MUC12: variants seen among roughly 807,000 people sequenced by gnomAD.
The protein encoded by MUC12 is mucin-12.
Under a neutral mutation model 230.8 loss-of-function variants are expected in MUC12, and 172 were observed. The ratio of observed to expected loss-of-function variants is 0.75; its 90% CI spans 0.66 to 0.85. The LOEUF (loss-of-function observed/expected upper bound fraction) is 0.85. Among genes scored for constraint, MUC12 ranks in the 40% least tolerant of loss-of-function variants. MUC12 has a pLI of 0.00. For missense variants in MUC12, 3,506 were observed against 5,920.6 expected (o/e 0.59, Z 13.38); for synonymous variants, 1,259 against 2,401.9 (o/e 0.52, Z 13.91).
intron 1 of MUC12, among the ~76,000 whole-genome samples, chr7:100,975,710 G>A (rs1793018973): frequency 6.6e-6 from 1 of 152,312 alleles, no homozygotes; most frequent in Non-Finnish European, 1.5e-5. Context: ...GGGAGAGGCA[G>A]CATTTGAGTT....
chr7:101,012,162 G>C (rs1793847411), intron 5 of MUC12, 134 bp from the exon 6 acceptor site: 1 of 915,996 alleles, frequency 1.1e-6, no homozygotes, highest in East Asian at 2.7e-5. Context: ...AGCTGCTGGA[G>C]GGAAGACTCT....
chr7:101,010,182 T>A (rs1343860846), intron 5 of MUC12, among the ~76,000 whole-genome samples: 1 of 151,846 alleles, frequency 6.6e-6, no homozygotes, highest in Non-Finnish European at 1.5e-5. Flanking sequence ...GCTGGAGGTG[T>A]GGGGTGCCCT....
chr7:101,008,656 C>T lies in MUC12; in HGVS notation c.15081C>T (p.Ala5027=), dbSNP rs1793793660. 6.5e-7 allele frequency: 1 copy of T among 1,537,152 alleles called. No homozygotes were observed. Among genetic ancestry groups the T allele is most frequent in the Non-Finnish European group, 8.7e-7 (1 of 1,146,894 alleles). The change falls in exon 4 of 12, where the codon GCC becomes GCT. Residue 5027 remains alanine, a synonymous_variant. Coordinates refer to ENST00000536621, the MANE Select transcript of MUC12 (RefSeq NM_001164462.2). ...CAGAAACCCCGGAAAAACTCAACGC[C>T]ACTTTAGGTATGACAGTGAAAGTGA... is the stretch of plus-strand genomic sequence containing the variant. ...FPVETPEKLN[A]TLGMTVKVTY... is the part of the protein sequence containing the mutation.
chr7:101,012,621 C>T (rs1793854541), intron 6 of MUC12, among the ~76,000 whole-genome samples, 174 bp downstream of exon 6: 1 of 152,148 alleles, frequency 6.6e-6, no homozygotes, highest in African/African-American at 2.4e-5. Context: ...CAACAGCCCC[C>T]TCTCGGTCCC....
intron 1 of MUC12, 131 bp from the exon 2 acceptor site, chr7:100,990,500 G>C: frequency 6.2e-6 from 7 of 1,130,866 alleles, no homozygotes; most frequent in Admixed American, 2.5e-5. Context: ...CCCCCAAAAG[G>C]GAAACTTGAG....
chr7:101,018,527 C>T (rs1793994485), intron 11 of MUC12, 68 bp from the exon 12 acceptor site: 2 of 1,504,466 alleles, frequency 1.3e-6, no homozygotes, highest in Non-Finnish European at 1.8e-6. Context: ...AGGGCTCCCT[C>T]TTCCTCCTGG....
At chr7:100,985,428 G>C (rs1385219728) in intron 1 of MUC12, among the ~76,000 whole-genome samples, 1 of 152,198 alleles carries the variant, frequency 6.6e-6, no homozygotes, top group Non-Finnish European at 1.5e-5. Flanking sequence ...GCCTCCAGCT[G>C]CATGGCTCCT....
In MUC12 at chr7:101,005,172, C is replaced by G; in HGVS notation, c.14609C>G (p.Thr4870Arg). 2 of 1,537,734 alleles carry G rather than the reference C, an allele frequency of 1.3e-6. No homozygotes were observed. Among genetic ancestry groups the G allele is most frequent in the Non-Finnish European group, 1.7e-6 (2 of 1,147,040 alleles). Residue 4870 changes from threonine to arginine, a missense_variant, in exon 2 of 12, where the codon ACA (threonine) becomes AGA (arginine). Coordinates refer to ENST00000536621, the MANE Select transcript of MUC12 (RefSeq NM_001164462.2). ...ACCACAGCGTTTTCTCACAGCAACA[C>G]AATGTCCATTCATAGTCAACAATCT... is the stretch of plus-strand genomic sequence containing the variant. ...TETTAFSHSN[T>R]MSIHSQQSTP...
intron 1 of MUC12, among the ~76,000 whole-genome samples, chr7:100,981,085 AAATCAT>A (rs755404576): frequency 1.2e-4 from 19 of 152,350 alleles, no homozygotes; most frequent in Middle Eastern, 3.4e-3. Context: ...GACAAAGAAG[AAATCAT>A]ATTTTGCTGT....
Position 101,008,675 on chromosome 7 carries a change from A to G in MUC12, c.15100A>G (p.Lys5034Glu). ...KLNATLGMTV[K>E]VTYRNFTEKM... is the part of the protein sequence containing the mutation. Reference sequence around the variant, plus strand: ...CAACGCCACTTTAGGTATGACAGTGAAAGTGACTTACAGAAATTTCACAGA... The same window carrying G: ...CAACGCCACTTTAGGTATGACAGTGGAAGTGACTTACAGAAATTTCACAGA... Residue 5034 changes from lysine to glutamate, a missense_variant, in exon 4 of 12, where the codon AAA becomes GAA. Transcript: ENST00000536621. The G allele has an allele frequency of 6.5e-7, 1 of 1,537,366 alleles. No individual in the cohort carries two copies. The highest frequency in any genetic ancestry group is 1.2e-5 in the South Asian group (1 of 84,064).
In MUC12 at chr7:101,006,543, G is replaced by A. The variant is rs201387036; in HGVS notation, c.15029G>A (p.Cys5010Tyr). Reference sequence around the variant, plus strand: ...CCCCAAGGCTACGTTGGTTACCAGTGCTTGTCCCCTCTGGAATCCTTCCCT... The same window carrying A: ...CCCCAAGGCTACGTTGGTTACCAGTACTTGTCCCCTCTGGAATCCTTCCCT... ...VCPQGYVGYQ[C>Y]LSPLESFPVE... The change falls in exon 3 of 12, where the codon TGC becomes TAC. Residue 5010 changes from cysteine (C) to tyrosine (Y), a missense_variant. Cys to Tyr is a radical substitution (Grantham distance 194). Coordinates refer to ENST00000536621, the MANE Select transcript of MUC12 (RefSeq NM_001164462.2). 34 of 1,537,180 alleles carry A rather than the reference G, an allele frequency of 2.2e-5. No individual in the cohort carries two copies. Among genetic ancestry groups the A allele is most frequent in the Non-Finnish European group, 2.9e-5 (33 of 1,146,856 alleles).
intron 1 of MUC12, among the ~76,000 whole-genome samples, chr7:100,973,901 C>A (rs568914578): frequency 2.6e-5 from 4 of 151,926 alleles, no homozygotes; most frequent in Admixed American, 6.6e-5. Context: ...GCCTGTAATC[C>A]CAGCACCTTG....
chr7:101,018,606 G>A lies in MUC12; in HGVS notation c.15978G>A (p.Gln5326=). The A allele has an allele frequency of 6.5e-7, 1 of 1,535,798 alleles. No homozygotes were observed. Among genetic ancestry groups the A allele is most frequent in the Non-Finnish European group, 8.7e-7 (1 of 1,146,174 alleles). Residue 5326 remains glutamine (Q), a synonymous_variant, in exon 12 of 12, where the codon CAG becomes CAA. Transcript: ENST00000536621. ...CTCCCGTCCCCCAGCTCCACATCCA[G>A]AGGCCGGAGATGGTAGCATCCACTG... ...TVDSGTELHI[Q]RPEMVASTV is the part of the protein sequence containing the mutation.
At chr7:101,014,664 A>ACTGTAGAG (rs1793889470) in intron 9 of MUC12, among the ~76,000 whole-genome samples, 1 of 151,836 alleles carries the variant, frequency 6.6e-6, no homozygotes, top group Non-Finnish European at 1.5e-5. Flanking sequence ...TTTTAGTAGA[A>ACTGTAGAG]ACGGGGTTTC....
chr7:100,972,794 C>T (rs1295741088), intron 1 of MUC12: 1 of 691,812 alleles, frequency 1.4e-6, no homozygotes, highest in Non-Finnish European at 2.6e-6. Context: ...GTGCGAGCCA[C>T]CGCATCTGGC....
At chr7:100,976,048 T>C (rs1793025863) in intron 1 of MUC12, among the ~76,000 whole-genome samples, 3 of 152,292 alleles carry the variant, frequency 2.0e-5, no homozygotes, top group Admixed American at 2.0e-4. Context: ...TCCCAGCACT[T>C]TGGGAGACCG....
chr7:100,991,184 G>T lies in MUC12; in HGVS notation c.621G>T (p.Leu207=). The change falls in exon 2 of 12, where the codon CTG becomes CTT. Residue 207 remains leucine (L), a synonymous_variant. Coordinates refer to ENST00000536621, the MANE Select transcript of MUC12 (RefSeq NM_001164462.2). ...HSIPGSTDTT[L]SPGTTTPSSL... is the part of the protein sequence containing the mutation. Reference sequence around the variant, plus strand: ...TCCCCGGCTCCACAGACACAACACTGTCCCCTGGCACTACCACACCATCAT... The same window carrying T: ...TCCCCGGCTCCACAGACACAACACTTTCCCCTGGCACTACCACACCATCAT... 1 of 1,537,440 alleles carries T rather than the reference G, an allele frequency of 6.5e-7. No homozygotes were observed.
intron 1 of MUC12, among the ~76,000 whole-genome samples, chr7:100,984,100 C>T (rs1793150210): frequency 6.6e-6 from 1 of 152,084 alleles, no homozygotes; most frequent in Non-Finnish European, 1.5e-5. Flanking sequence ...CCAGATGGCA[C>T]CATGCTCTTG....
At position 100,991,739 on chromosome 7, in the gene MUC12, C is replaced by T. The variant is rs772098662; in HGVS notation, c.1176C>T (p.Ser392=). Reference sequence around the variant, plus strand: ...AAGAATCAGCAACTTTCCACGGCAGCACAACACACACAAAATCTTCAACTC... The same window carrying T: ...AAGAATCAGCAACTTTCCACGGCAGTACAACACACACAAAATCTTCAACTC... ...HSEESATFHG[S]TTHTKSSTPS... is the part of the protein sequence containing the mutation. Residue 392 remains serine, a synonymous_variant, in exon 2 of 12, where the codon AGC becomes AGT. Coordinates refer to ENST00000536621, the MANE Select transcript of MUC12 (RefSeq NM_001164462.2). The T allele has an allele frequency of 3.9e-6, 6 of 1,537,862 alleles. No individual in the cohort carries two copies. Among genetic ancestry groups the T allele is most frequent in the Middle Eastern group, 1.7e-4 (1 of 6,018 alleles).
Sources: gnomAD v4.1 joint callset for allele counts (sites outside exome capture counted in the v4.1 genomes callset) on GRCh38, gnomAD v4.1.1 for gene constraint, MANE v1.5 for transcripts, NCBI Gene and HGNC (gene_info 2026-07-23, HGNC 2026-07-21) for gene names.